Variants in ARID3A observed in about 807,000 individuals in gnomAD.
The protein encoded by ARID3A is AT-rich interactive domain-containing protein 3A.
A neutral mutation model predicts 52.7 loss-of-function variants in ARID3A; 11 were observed. The ratio of observed to expected loss-of-function variants is 0.21; its 90% CI spans 0.13 to 0.35. The LOEUF (loss-of-function observed/expected upper bound fraction) is 0.35, where lower values mean the gene tolerates loss of function less well. Ranked by LOEUF, ARID3A falls within the 10% of genes least tolerant of loss-of-function variation. ARID3A has a pLI of 1.00. For synonymous variants in ARID3A, 404 were observed against 359.4 expected, an observed-to-expected ratio of 1.12 and a Z score of -1.40; for missense variants, 721 against 838.5, an observed-to-expected ratio of 0.86 and a Z score of 1.73.
intron 2 of ARID3A, among the ~76,000 whole-genome samples, chr19:931,080 G>C (rs1163735838): frequency 6.6e-6 from 1 of 151,482 alleles, no homozygotes; most frequent in African/African-American, 2.4e-5. Flanking sequence ...GATTGCTTGA[G>C]CCCAGGAGTT....
At chr19:970,636 G>A (rs1008732756) in intron 8 of ARID3A, among the ~76,000 whole-genome samples, 4 of 150,616 alleles carry the variant, frequency 2.7e-5, no homozygotes, top group Non-Finnish European at 4.4e-5. Flanking sequence ...CACCAGGCCC[G>A]GCTAATTTTT....
intron 8 of ARID3A, among the ~76,000 whole-genome samples, chr19:970,584 G>A (rs2038258255): frequency 7.6e-6 from 1 of 131,336 alleles, no homozygotes; most frequent in Admixed American, 9.5e-5. Context: ...CTCAGCTCCT[G>A]CAACCTCCGC....
At chr19:937,154 G>C (rs2037453369) in intron 3 of ARID3A, among the ~76,000 whole-genome samples, 1 of 151,556 alleles carries the variant, frequency 6.6e-6, no homozygotes, top group African/African-American at 2.4e-5. Flanking sequence ...TATAATCCCA[G>C]CACTCGGGAG....
intron 3 of ARID3A, among the ~76,000 whole-genome samples, chr19:935,480 G>GATT (rs1340697459): frequency 6.6e-6 from 1 of 152,106 alleles, no homozygotes; most frequent in Admixed American, 6.6e-5. Context: ...GATTTTATTG[G>GATT]ATTATTATTA....
Position 975,451 on chromosome 19 carries a change from C to G in ARID3A, c.*3386C>G. The G allele has an allele frequency of 4.3e-6, 1 of 230,522 alleles. No individual in the cohort carries two copies. Among genetic ancestry groups the G allele is most frequent in the Non-Finnish European group, 8.6e-6 (1 of 116,312 alleles). The allele number at this position is 230,522 out of a possible 1,614,324, so 14.3% of individuals were successfully genotyped here. A position where few individuals can be genotyped will look rare whatever the true frequency, so the allele number is the denominator to read the frequency against. ...TCTTATCATGTTTTACCCACCTTGTCCCTTTTTTCCCCAATTGTGCTTTTG... is the reference window on the plus strand; with the variant it reads ...TCTTATCATGTTTTACCCACCTTGTGCCTTTTTTCCCCAATTGTGCTTTTG... On this transcript the variant is annotated 3_prime_UTR_variant, in exon 9 of 9. Transcript: ENST00000263620.
chr19:933,843 C>A (rs1268227198), intron 3 of ARID3A, among the ~76,000 whole-genome samples: 1 of 50,188 alleles, frequency 2.0e-5, no homozygotes, highest in Non-Finnish European at 4.1e-5. Flanking sequence ...GGCGGGGACT[C>A]GGTGGGGGGG....
rs1021539659 is a variant in ARID3A, at chr19:944,310, G to A, written c.693+11568G>A. ...TCTGCTCCCCGTGTGTCTGGCTGCA[G>A]GGGCGCGTCCAGGGGGTGTGTGTGT... On this transcript the variant is annotated intron_variant, in intron 3 of 8. Coordinates refer to ENST00000263620, the MANE Select transcript of ARID3A (RefSeq NM_005224.3). This position sits in a 1 kb window ranked among gnomAD's most constrained non-coding sequence, Gnocchi z 5.9. 6.6e-6 allele frequency among the ~76,000 whole-genome samples: 1 copy of A among 151,622 alleles called. No individual in the cohort carries two copies. Among genetic ancestry groups the A allele is most frequent in the Non-Finnish European group, 1.5e-5 (1 of 67,952 alleles).
chr19:953,326 G>A (rs748805642), intron 3 of ARID3A, among the ~76,000 whole-genome samples: 16 of 152,140 alleles, frequency 1.1e-4, no homozygotes, highest in Non-Finnish European at 1.6e-4. Flanking sequence ...CAGGGCTGGG[G>A]GGTGGCGGTT....
At chr19:962,113 C>T (rs542367562) in intron 4 of ARID3A, among the ~76,000 whole-genome samples, 3 of 152,152 alleles carry the variant, frequency 2.0e-5, no homozygotes, top group African/African-American at 7.2e-5. Flanking sequence ...CCTTGGCTTC[C>T]TCCAGGAGCT....
At chr19:935,268 G>A (rs572671533) in intron 3 of ARID3A, among the ~76,000 whole-genome samples, 50 of 150,900 alleles carry the variant, frequency 3.3e-4, no homozygotes, top group African/African-American at 1.2e-3. Flanking sequence ...GCGGGGGGCC[G>A]GGCGCAGCAG....
chr19:957,676 C>G (rs2037950807), intron 3 of ARID3A, among the ~76,000 whole-genome samples: 1 of 152,072 alleles, frequency 6.6e-6, no homozygotes, highest in African/African-American at 2.4e-5. Flanking sequence ...CCCATCTCTA[C>G]AAAAGAAAAT....
chr19:946,124 G>A lies in ARID3A; in HGVS notation c.693+13382G>A, dbSNP rs116273328. On this transcript the variant is annotated intron_variant, in intron 3 of 8. Coordinates refer to ENST00000263620, the MANE Select transcript of ARID3A (RefSeq NM_005224.3). ...GTATTGTGGGTGGGCTGGCCGGTCT[G>A]GGGGGCGGGGACCCTGTACAGAACG... Among the ~76,000 whole-genome samples the A allele has an allele frequency of 6.1e-3, 933 of 152,264 alleles. 13 individuals carry two copies. Among genetic ancestry groups the A allele is most frequent in the African/African-American group, 0.022 (896 of 41,566 alleles).
At chr19:928,549 C>T (rs2037248629) in intron 1 of ARID3A, 1 of 152,152 alleles carries the variant, frequency 6.6e-6, no homozygotes. Context: ...GGGTTCAAAT[C>T]CCACCGCCAT....
At chr19:950,514 AG>A (rs911248033) in intron 3 of ARID3A, among the ~76,000 whole-genome samples, 4 of 125,300 alleles carry the variant, frequency 3.2e-5, no homozygotes, top group African/African-American at 1.7e-4. Context: ...AGAGGGGTTC[AG>A]GGGGAGCAGC....
In ARID3A at chr19:966,704, C is replaced by T; in HGVS notation, c.1331C>T (p.Ala444Val). 1 of 1,611,922 alleles carries T rather than the reference C, an allele frequency of 6.2e-7. No individual in the cohort carries two copies. The highest frequency in any genetic ancestry group is 1.1e-5 in the South Asian group (1 of 91,024). Residue 444 changes from alanine (A) to valine (V), a missense_variant, in exon 7 of 9, where the codon GCT (alanine) becomes GTT (valine). By Grantham distance (64) the Ala-to-Val change is moderately conservative. Coordinates refer to ENST00000263620, the MANE Select transcript of ARID3A (RefSeq NM_005224.3). ...AAQAAVAAQA[A>V]ALEQLREKLE... ...CAAGCAGCTGTGGCCGCACAGGCAG[C>T]TGCCCTGGAACAGCTGCGGGAGAAG... is the stretch of plus-strand genomic sequence containing the variant.
rs563888528 is a variant in ARID3A at position 950,609 on chromosome 19, G to A, written c.694-9483G>A. Among the ~76,000 whole-genome samples, 7 of 152,328 alleles carry A rather than the reference G, an allele frequency of 4.6e-5. No homozygotes were observed. In the South Asian group the frequency reaches 1.2e-3, roughly 27 times the overall value. ...CAGGGAGTTGGGCTTTCTTCTGGGAGCAGTAGGGAGCCACGGTTGACCGTG... is the reference window on the plus strand; with the variant it reads ...CAGGGAGTTGGGCTTTCTTCTGGGAACAGTAGGGAGCCACGGTTGACCGTG... On this transcript the variant is annotated intron_variant, in intron 3 of 8. Coordinates refer to ENST00000263620, the MANE Select transcript of ARID3A (RefSeq NM_005224.3).
intron 3 of ARID3A, among the ~76,000 whole-genome samples, chr19:939,125 A>AT (rs1555726966): frequency 0.12 from 16,843 of 144,798 alleles, 1,317 homozygotes; most frequent in East Asian, 0.44. Context: ...TTATTTATTT[A>AT]TTATTATTAT....
chr19:965,447 C>G (rs528671246), intron 6 of ARID3A, among the ~76,000 whole-genome samples: 163 of 151,780 alleles, frequency 1.1e-3, no homozygotes, highest in African/African-American at 3.2e-3. Flanking sequence ...GAGGTACCAA[C>G]AGCACACACA....
chr19:926,627 G>C (rs1249219916), intron 1 of ARID3A, among the ~76,000 whole-genome samples: 2 of 151,674 alleles, frequency 1.3e-5, no homozygotes, highest in Non-Finnish European at 2.9e-5. Context: ...TTTATAAAGT[G>C]TCCGCCCCAG....
Sources: allele counts gnomAD v4.1 joint callset (sites outside exome capture counted in the v4.1 genomes callset), GRCh38; gene constraint gnomAD v4.1.1; non-coding constraint Gnocchi (gnomAD v3.1); transcripts MANE v1.5; gene names NCBI Gene and HGNC (gene_info 2026-07-23, HGNC 2026-07-21).